The following NIPA1 variants were observed in gnomAD, a reference collection of about 807,000 sequenced individuals.
NIPA1 encodes magnesium transporter NIPA1.
NIPA1 carries 13 observed loss-of-function variants against 23.9 expected under a neutral mutation model. The ratio of observed to expected loss-of-function variants is 0.54; its 90% CI spans 0.35 to 0.87. NIPA1 has a LOEUF of 0.87. Among genes scored for constraint, NIPA1 ranks in the 40% least tolerant of loss-of-function variants. NIPA1 has a pLI of 0.01. For synonymous variants in NIPA1, 234 were observed against 202.9 expected, an observed-to-expected ratio of 1.15 and a Z score of -1.30; for missense variants, 362 against 429.7, an observed-to-expected ratio of 0.84 and a Z score of 1.39.
chr15:22,801,141 G>C (rs1466339915), intron 1 of NIPA1, among the ~76,000 whole-genome samples: 3 of 151,864 alleles, frequency 2.0e-5, no homozygotes, highest in African/African-American at 4.8e-5. Flanking sequence ...ATGTCCTGTG[G>C]TTGTGTTCAG....
At chr15:22,812,688 C>T (rs2140868956) in intron 3 of NIPA1, among the ~76,000 whole-genome samples, 1 of 152,082 alleles carries the variant, frequency 6.6e-6, no homozygotes, top group Non-Finnish European at 1.5e-5. Context: ...CAGTATTCTA[C>T]TCTATATCGT....
chr15:22,800,244 G>T (rs1429152481), intron 1 of NIPA1, among the ~76,000 whole-genome samples: 1 of 152,008 alleles, frequency 6.6e-6, no homozygotes, highest in Non-Finnish European at 1.5e-5. Flanking sequence ...CCACACCCCT[G>T]TAGGATTTTT....
intron 4 of NIPA1, among the ~76,000 whole-genome samples, chr15:22,822,648 G>A (rs1448284860): frequency 1.3e-5 from 2 of 152,126 alleles, no homozygotes; most frequent in Admixed American, 6.5e-5. Flanking sequence ...GGCCAACATG[G>A]CGAAACCCCG....
At chr15:22,798,301 G>A (rs1304634108) in intron 1 of NIPA1, among the ~76,000 whole-genome samples, 3 of 145,020 alleles carry the variant, frequency 2.1e-5, no homozygotes, top group East Asian at 2.1e-4. Context: ...GTGCAGTGGC[G>A]CGATCTCAGC....
intron 1 of NIPA1, among the ~76,000 whole-genome samples, chr15:22,803,804 C>T (rs1434106830): frequency 2.7e-5 from 4 of 149,398 alleles, no homozygotes; most frequent in Non-Finnish European, 5.9e-5. Context: ...CTCACGCTCC[C>T]GAGTAGCTGG....
chr15:22,825,620 A>G lies in NIPA1; in HGVS notation c.*1381A>G, dbSNP rs983051259. The G allele has an allele frequency of 1.3e-5, 2 of 152,222 alleles. No homozygotes were observed. The highest frequency in any genetic ancestry group is 4.8e-5 in the African/African-American group (2 of 41,442). 9.4% of individuals were successfully genotyped at this position (152,222 alleles called of 1,614,324 possible). ...AGGCTAAGTGGGAGAGTACCTGTTC[A>G]ATAGCTCATATATCGAGTACCCTGT... On this transcript the variant is annotated 3_prime_UTR_variant, in exon 5 of 5. Transcript: ENST00000337435.
At chr15:22,800,985 A>C (rs1240445987) in intron 1 of NIPA1, among the ~76,000 whole-genome samples, 1 of 150,506 alleles carries the variant, frequency 6.6e-6, no homozygotes, top group Admixed American at 6.6e-5. Flanking sequence ...GCATGCCTGT[A>C]GTCCCAGCTA....
chr15:22,824,588 A>G lies in NIPA1; in HGVS notation c.*349A>G. ...TGGGCTCTTTCTGGTTAGTTGTTAC[A>G]TGATAGCAGAGATATTTTTACTTAG... On this transcript the variant is annotated 3_prime_UTR_variant, in exon 5 of 5. Transcript: ENST00000337435. This position sits in a 1 kb window ranked among gnomAD's most constrained non-coding sequence, Gnocchi z 4.1. 3.2e-6 allele frequency: 1 copy of G among 308,698 alleles called. No homozygotes were observed. Among genetic ancestry groups the G allele is most frequent in the South Asian group, 3.5e-5 (1 of 28,944 alleles). 19.1% of individuals were successfully genotyped at this position (308,698 alleles called of 1,614,324 possible).
At chr15:22,812,675 C>A (rs1401422964) in intron 3 of NIPA1, among the ~76,000 whole-genome samples, 1 of 151,890 alleles carries the variant, frequency 6.6e-6, no homozygotes, top group African/African-American at 2.4e-5. Context: ...GAAGATAGAT[C>A]TTCAGTATTC....
chr15:22,801,219 C>T lies in NIPA1; in HGVS notation c.179-9530C>T, dbSNP rs368796253. ...ATATTCAGGGCTGCATGAATGTTAC[C>T]GTTCTACTTTTACAGGGCATGGACA... is the stretch of plus-strand genomic sequence containing the variant. On this transcript the variant is annotated intron_variant, in intron 1 of 4. Coordinates refer to ENST00000337435, the MANE Select transcript of NIPA1 (RefSeq NM_144599.5). Among the ~76,000 whole-genome samples the T allele has an allele frequency of 1.1e-3, 169 of 152,228 alleles. 1 individual carries two copies. In the South Asian group the frequency reaches 0.033, roughly 30 times the overall value.
intron 1 of NIPA1, among the ~76,000 whole-genome samples, chr15:22,790,312 T>C (rs1595628883): frequency 6.6e-6 from 1 of 152,178 alleles, no homozygotes; most frequent in South Asian, 2.1e-4. Flanking sequence ...GTTCAACAGA[T>C]ACTGATGAAG....
intron 3 of NIPA1, among the ~76,000 whole-genome samples, chr15:22,815,386 C>A (rs1315596478): frequency 6.6e-6 from 1 of 152,248 alleles, no homozygotes; most frequent in Admixed American, 6.5e-5. Context: ...GTGATTCATG[C>A]TTGTAATCCC....
chr15:22,802,265 G>A (rs1895099935), intron 1 of NIPA1, among the ~76,000 whole-genome samples: 1 of 151,850 alleles, frequency 6.6e-6, no homozygotes, highest in African/African-American at 2.4e-5. Context: ...GGTGGCACAT[G>A]CCTGTAATCA....
Position 22,823,921 on chromosome 15 carries a change from G to C in NIPA1, c.672G>C (p.Gln224His), listed in dbSNP as rs752197665. The C allele has an allele frequency of 2.5e-6, 4 of 1,614,212 alleles. No homozygotes were observed. In the South Asian group the frequency reaches 4.4e-5, roughly 18 times the overall value. ...TCTTGCATAACAACCCGTCCAGTCAGAGAGCCCTCTGCCTGTGCCTGGTAC... is the reference window on the plus strand; with the variant it reads ...TCTTGCATAACAACCCGTCCAGTCACAGAGCCCTCTGCCTGTGCCTGGTAC... ...QDILHNNPSSQRALCLCLVLL... is the reference protein window; with the variant it reads ...QDILHNNPSSHRALCLCLVLL... The change falls in exon 5 of 5, where the codon CAG becomes CAC. Residue 224 changes from glutamine (Q) to histidine (H), a missense_variant. Transcript: ENST00000337435.
At chr15:22,813,198 G>GT (rs1895352821) in intron 3 of NIPA1, among the ~76,000 whole-genome samples, 1 of 152,140 alleles carries the variant, frequency 6.6e-6, no homozygotes, top group Non-Finnish European at 1.5e-5. Flanking sequence ...ATGGAGTGAA[G>GT]TTTTTGCCCA....
At chr15:22,786,859 C>G (rs1439862853) in intron 1 of NIPA1, 25 bp downstream of exon 1, 2 of 196,062 alleles carry the variant, frequency 1.0e-5, no homozygotes, top group Admixed American at 5.9e-5. Flanking sequence ...AGGCGGCAGG[C>G]GGCGGGCGGG....
intron 3 of NIPA1, among the ~76,000 whole-genome samples, chr15:22,812,953 C>T (rs1459616692): frequency 2.0e-5 from 3 of 152,048 alleles, no homozygotes; most frequent in Non-Finnish European, 4.4e-5. Flanking sequence ...TGCTGGATGC[C>T]GGACAGTCCC....
At chr15:22,799,927 G>A (rs1236504299) in intron 1 of NIPA1, among the ~76,000 whole-genome samples, 1 of 100,706 alleles carries the variant, frequency 9.9e-6, no homozygotes, top group East Asian at 3.4e-4. Flanking sequence ...CTGGGAGACA[G>A]AATGAGACCC....
intron 1 of NIPA1, among the ~76,000 whole-genome samples, chr15:22,796,008 T>G (rs1894932174): frequency 6.6e-6 from 1 of 152,108 alleles, no homozygotes; most frequent in Non-Finnish European, 1.5e-5. Flanking sequence ...CTTGGCTCAC[T>G]GCAGCTTCGA....
Sources: gnomAD v4.1 joint callset for allele counts (sites outside exome capture counted in the v4.1 genomes callset) on GRCh38, gnomAD v4.1.1 for gene constraint, Gnocchi (gnomAD v3.1) non-coding constraint, MANE v1.5 for transcripts, NCBI Gene and HGNC (gene_info 2026-07-23, HGNC 2026-07-21) for gene names.